NEBL: variants seen among roughly 807,000 people sequenced by gnomAD.
The protein encoded by NEBL is LIM and SH3 protein 2.
A neutral mutation model predicts 140.2 loss-of-function variants in NEBL; 122 were observed. The observed-to-expected ratio is 0.87, with a 90% CI of 0.75 to 1.01. The LOEUF (loss-of-function observed/expected upper bound fraction) is 1.01, where lower values mean the gene tolerates loss of function less well. NEBL is among the 50% of genes least tolerant of loss of function. The probability of loss-of-function intolerance (pLI) is 0.00; values close to 1 mark genes in which losing one functional copy is unlikely to be tolerated. For synonymous variants in NEBL, 436 were observed against 398.9 expected, an observed-to-expected ratio of 1.09 and a Z score of -1.11; for missense variants, 1,365 against 1,231.3, an observed-to-expected ratio of 1.11 and a Z score of -1.62.
chr10:20,981,727 A>G (rs930560064), intron 3 of NEBL, among the ~76,000 whole-genome samples: 2 of 152,172 alleles, frequency 1.3e-5, no homozygotes, highest in African/African-American at 4.8e-5. Context: ...CACTGGACTG[A>G]CAGCTACAAG....
intron 3 of NEBL, among the ~76,000 whole-genome samples, chr10:21,211,588 C>A (rs1325596665): frequency 6.6e-6 from 1 of 152,134 alleles, no homozygotes; most frequent in Non-Finnish European, 1.5e-5. Flanking sequence ...AAGACTGGCC[C>A]CTTTAAAGAT....
intron 19 of NEBL, among the ~76,000 whole-genome samples, chr10:20,819,732 GTTTTAT>G (rs926077473): frequency 6.6e-6 from 1 of 151,954 alleles, no homozygotes; most frequent in African/African-American, 2.4e-5. Context: ...TGTTGTTGTT[GTTTTAT>G]TTTTGAGACA....
intron 26 of NEBL, among the ~76,000 whole-genome samples, chr10:20,789,611 T>G (rs1926207): frequency 0.53 from 81,042 of 151,978 alleles, 22,677 homozygotes; most frequent in African/African-American, 0.7. Context: ...ACTTTGGAAG[T>G]CCAAAGCAGG....
At chr10:21,260,119 G>A (rs1052229845) in intron 1 of NEBL, among the ~76,000 whole-genome samples, 9 of 152,200 alleles carry the variant, frequency 5.9e-5, no homozygotes, top group South Asian at 2.1e-4. Flanking sequence ...GCTTGAAATG[G>A]TTTGCATTGG....
intron 4 of NEBL, among the ~76,000 whole-genome samples, chr10:20,923,934 T>C (rs1189202539): frequency 6.6e-6 from 1 of 152,048 alleles, no homozygotes; most frequent in Non-Finnish European, 1.5e-5. Flanking sequence ...ACATTTCCTA[T>C]CTAGCCCTTT....
chr10:21,180,487 C>T (rs1841369827), intron 3 of NEBL, among the ~76,000 whole-genome samples: 3 of 152,156 alleles, frequency 2.0e-5, no homozygotes, highest in South Asian at 4.1e-4. Context: ...GCTTATTTTA[C>T]TTGCAGTCTT....
intron 26 of NEBL, among the ~76,000 whole-genome samples, chr10:20,796,726 A>T (rs1035621651): frequency 6.6e-6 from 1 of 152,046 alleles, no homozygotes; most frequent in African/African-American, 2.4e-5. Flanking sequence ...TTTCCCTCAG[A>T]TTTGTTTCTC....
chr10:20,924,264 T>C (rs2131510717), intron 4 of NEBL, among the ~76,000 whole-genome samples: 1 of 152,078 alleles, frequency 6.6e-6, no homozygotes, highest in Middle Eastern at 3.4e-3. Flanking sequence ...ATGTCAATAA[T>C]GCCAGGATTG....
At chr10:20,787,675 T>G (rs2131621212) in intron 26 of NEBL, among the ~76,000 whole-genome samples, 1 of 152,310 alleles carries the variant, frequency 6.6e-6, no homozygotes, top group South Asian at 2.1e-4. Context: ...AATAAGAATT[T>G]TAAAGGAATT....
intron 13 of NEBL, among the ~76,000 whole-genome samples, chr10:20,839,168 C>A (rs1841168730): frequency 6.6e-6 from 1 of 152,126 alleles, no homozygotes; most frequent in Non-Finnish European, 1.5e-5. Flanking sequence ...TCTTCCTTCT[C>A]CTAATAAGGC....
chr10:21,165,217 A>G (rs763549453), intron 2 of NEBL, among the ~76,000 whole-genome samples: 79 of 152,228 alleles, frequency 5.2e-4, no homozygotes, highest in Non-Finnish European at 8.5e-4. Flanking sequence ...AATTTAACCC[A>G]GAAGGAAATA....
intron 4 of NEBL, among the ~76,000 whole-genome samples, chr10:20,924,756 A>C (rs1407667363): frequency 6.6e-6 from 1 of 152,264 alleles, no homozygotes; most frequent in East Asian, 1.9e-4. Flanking sequence ...TCTCTGGAAC[A>C]CTGTAGAGCT....
intron 1 of NEBL, among the ~76,000 whole-genome samples, chr10:21,276,133 G>T (rs891266263): frequency 6.6e-6 from 1 of 151,740 alleles, no homozygotes; most frequent in African/African-American, 2.4e-5. Flanking sequence ...ACCATGCCTG[G>T]CTAATTTTTT....
At chr10:21,243,474 T>A (rs1465746563) in intron 3 of NEBL, among the ~76,000 whole-genome samples, 1 of 151,910 alleles carries the variant, frequency 6.6e-6, no homozygotes. Flanking sequence ...GCCTCGCTAA[T>A]TTTTGTATTT....
rs555024920 is a variant in NEBL, at chr10:21,237,075, G to A, written n.348+10846C>T. Among the ~76,000 whole-genome samples the A allele has an allele frequency of 3.3e-5, 5 of 152,268 alleles. No homozygotes were observed. In the East Asian group the frequency reaches 7.7e-4, roughly 24 times the overall value. On this transcript the variant is annotated intron_variant and non_coding_transcript_variant, in intron 3 of 8. Transcript: ENST00000675702. Reference sequence around the variant, plus strand: ...GATCACTTACACTCCTTGAACTTTCGTGTTTTGTAGATCCCTCTCTACTCT... The same window carrying A: ...GATCACTTACACTCCTTGAACTTTCATGTTTTGTAGATCCCTCTCTACTCT...
At chr10:20,806,859 G>T (rs956669889) in intron 26 of NEBL, among the ~76,000 whole-genome samples, 5 of 152,166 alleles carry the variant, frequency 3.3e-5, no homozygotes, top group Non-Finnish European at 7.3e-5. Context: ...ATTGCCTTTG[G>T]GAGAGACATC....
At chr10:21,246,738 C>T (rs1391640973) in intron 3 of NEBL, among the ~76,000 whole-genome samples, 2 of 152,010 alleles carry the variant, frequency 1.3e-5, no homozygotes, top group Admixed American at 1.3e-4. Flanking sequence ...GGAGGCTGAG[C>T]AGGAGGATTG....
At position 20,782,855 on chromosome 10, in the gene NEBL, T is replaced by G. The variant is rs1835119856; in HGVS notation, c.*2892A>C. 1 of 152,636 alleles carries G rather than the reference T, an allele frequency of 6.6e-6. No homozygotes were observed. The highest frequency in any genetic ancestry group is 2.1e-4 in the South Asian group (1 of 4,834). The allele number at this position is 152,636 out of a possible 1,614,324, so 9.5% of individuals were successfully genotyped here. On this transcript the variant is annotated 3_prime_UTR_variant, in exon 28 of 28. Coordinates refer to ENST00000377122, the MANE Select transcript of NEBL (RefSeq NM_006393.3). Reference sequence around the variant, plus strand: ...AGAACAAGAATTATTAGTAAAAACATGTACTACAAAAGCTTACAACAAAAG... The same window carrying G: ...AGAACAAGAATTATTAGTAAAAACAGGTACTACAAAAGCTTACAACAAAAG...
In NEBL at chr10:20,850,448, C is replaced by T. The variant is rs775390576; in HGVS notation, c.1063G>A (p.Val355Ile). The change falls in exon 11 of 28, where the codon GTT becomes ATT. Residue 355 changes from valine to isoleucine, a missense_variant. By Grantham distance (29) the Val-to-Ile change is conservative. This residue lies in a region of NEBL where 1,323 missense variants were observed against 1,154.8 expected (regional missense o/e 1.15). Transcript: ENST00000377122. ...GAAGCTTGATATGATGGTGTCTCAACAAATTCAAGCATTGGCTTTCCCTTA... is the reference window on the plus strand; with the variant it reads ...GAAGCTTGATATGATGGTGTCTCAATAAATTCAAGCATTGGCTTTCCCTTA... ...KNKGKPMLEFVETPSYQASKE... is the reference protein window; with the variant it reads ...KNKGKPMLEFIETPSYQASKE... The T allele has an allele frequency of 6.2e-7, 1 of 1,612,526 alleles. No homozygotes were observed. Among genetic ancestry groups the T allele is most frequent in the South Asian group, 1.1e-5 (1 of 91,054 alleles).
Sources: gnomAD v4.1 joint callset for allele counts (sites outside exome capture counted in the v4.1 genomes callset) on GRCh38, gnomAD v4.1.1 for gene constraint, gnomAD v4.1.1 regional missense constraint, MANE v1.5 for transcripts, NCBI Gene and HGNC (gene_info 2026-07-23, HGNC 2026-07-21) for gene names.